KCND3: variants seen among roughly 807,000 people sequenced by gnomAD.
KCND3 encodes the protein A-type voltage-gated potassium channel KCND3.
KCND3 carries 9 observed loss-of-function variants against 51.1 expected under a neutral mutation model. The ratio of observed to expected loss-of-function variants is 0.18; its 90% CI spans 0.11 to 0.31. The LOEUF (loss-of-function observed/expected upper bound fraction) is 0.31, where lower values mean the gene tolerates loss of function less well. Among genes scored for constraint, KCND3 ranks in the 10% least tolerant of loss-of-function variants. The pLI, the probability that KCND3 is intolerant of heterozygous loss-of-function variation, is 1.00. For synonymous variants in KCND3, 349 were observed against 368.0 expected (o/e 0.95, Z 0.59); for missense variants, 526 against 903.8 (o/e 0.58, Z 5.36).
chr1:111,813,034 T>G (rs915858951), intron 2 of KCND3, among the ~76,000 whole-genome samples: 4 of 151,162 alleles, frequency 2.6e-5, no homozygotes, highest in African/African-American at 9.7e-5. Flanking sequence ...CCCACGAGAG[T>G]GAGGTAACCA....
Position 111,775,817 on chromosome 1 carries a change from C to CT in KCND3, c.*259_*260insA. On this transcript the variant is annotated 3_prime_UTR_variant, in exon 8 of 8. Transcript: ENST00000302127. ...TAGCCTATATCCCCCGGCCTATCCC[C>CT]GACCCCCCCACCCTCCCTCCCTTCC... 1.1e-5 allele frequency: 2 copies of CT among 188,526 alleles called. No homozygotes were observed. The highest frequency in any genetic ancestry group is 8.9e-5 in the South Asian group (1 of 11,288). The allele number at this position is 188,526 out of a possible 1,614,324, so 11.7% of individuals were successfully genotyped here. A position where few individuals can be genotyped will look rare whatever the true frequency, so the allele number is the denominator to read the frequency against.
At chr1:111,984,303 ACT>A (rs1157123775) in intron 1 of KCND3, among the ~76,000 whole-genome samples, 4 of 152,102 alleles carry the variant, frequency 2.6e-5, no homozygotes, top group Admixed American at 2.6e-4. Context: ...CTGCCACTGG[ACT>A]TTTCTGCTCA....
In KCND3 at chr1:111,773,465, G is replaced by C. The variant is rs1663998707; in HGVS notation, c.*2612C>G. 8.1e-6 allele frequency: 1 copy of C among 123,370 alleles called. No homozygotes were observed. The highest frequency in any genetic ancestry group is 1.6e-5 in the Non-Finnish European group (1 of 64,068). The allele number at this position is 123,370 out of a possible 1,614,324, so 7.6% of individuals were successfully genotyped here. ...GAGACGGAGTCTTGCTGTGTCACCT[G>C]GGCTGGAGTGCAGTGGTGCAATCAC... On this transcript the variant is annotated 3_prime_UTR_variant, in exon 8 of 8. Transcript: ENST00000302127.
intron 2 of KCND3, among the ~76,000 whole-genome samples, chr1:111,947,401 C>A (rs4839192): frequency 3.3e-5 from 5 of 152,260 alleles, no homozygotes; most frequent in African/African-American, 7.2e-5. Context: ...AGAACATTTC[C>A]ACAGCACTTT....
At chr1:111,966,458 G>A (rs569085043) in intron 2 of KCND3, among the ~76,000 whole-genome samples, 103 of 152,226 alleles carry the variant, frequency 6.8e-4, no homozygotes, top group Non-Finnish European at 1.1e-3. Flanking sequence ...ACAGAAGAAG[G>A]GGTGAGAGCT....
chr1:111,860,336 G>A (rs1668277843), intron 2 of KCND3, among the ~76,000 whole-genome samples: 1 of 152,204 alleles, frequency 6.6e-6, no homozygotes, highest in African/African-American at 2.4e-5. Flanking sequence ...CGCAGAAGCT[G>A]GGATCTGTCC....
chr1:111,982,760 GA>G lies in KCND3; in HGVS notation c.-35del. On this transcript the variant is annotated 5_prime_UTR_variant, in exon 2 of 8. Transcript: ENST00000302127. This position sits in a 1 kb window ranked among gnomAD's most constrained non-coding sequence, Gnocchi z 8.5. ...CAGCTCTTGGGCCGGCAGCCGCGCG[GA>G]CGCTAGGCACACCAGCTTGGAGTTA... 6.3e-7 allele frequency: 1 copy of G among 1,581,674 alleles called. No individual in the cohort carries two copies.
At chr1:111,882,171 G>A (rs1186502296) in intron 2 of KCND3, among the ~76,000 whole-genome samples, 1 of 152,116 alleles carries the variant, frequency 6.6e-6, no homozygotes, top group Admixed American at 6.5e-5. Context: ...TGTTTAATGA[G>A]GTGTTTTCCC....
In KCND3 at chr1:111,982,754, C is replaced by CT. The variant is rs1557769404; in HGVS notation, c.-29_-28insA. On this transcript the variant is annotated 5_prime_UTR_variant, in exon 2 of 8. Coordinates refer to ENST00000302127, the MANE Select transcript of KCND3 (RefSeq NM_001378969.1). This position sits in a 1 kb window ranked among gnomAD's most constrained non-coding sequence, Gnocchi z 8.5. The stretch of plus-strand genomic sequence containing the variant: ...TGACTCCAGCTCTTGGGCCGGCAGC[C>CT]GCGCGGACGCTAGGCACACCAGCTT... 6.3e-7 allele frequency: 1 copy of CT among 1,587,040 alleles called. No homozygotes were observed. The highest frequency in any genetic ancestry group is 1.1e-5 in the South Asian group (1 of 89,496).
At chr1:111,940,073 G>GTCTTTTTTTTTT (rs1672425960) in intron 2 of KCND3, among the ~76,000 whole-genome samples, 1 of 85,474 alleles carries the variant, frequency 1.2e-5, no homozygotes. Context: ...CTTTTTGATG[G>GTCTTTTTTTTTT]TTTTTTTTTT....
At chr1:111,889,087 T>C (rs926039346) in intron 2 of KCND3, among the ~76,000 whole-genome samples, 1 of 152,152 alleles carries the variant, frequency 6.6e-6, no homozygotes, top group African/African-American at 2.4e-5. Flanking sequence ...ATGAGTTCGT[T>C]TGGGTAAATG....
intron 2 of KCND3, among the ~76,000 whole-genome samples, chr1:111,805,853 CAG>C (rs1469772711): frequency 6.6e-6 from 1 of 152,224 alleles, no homozygotes; most frequent in East Asian, 1.9e-4. Context: ...AGAATGAAAA[CAG>C]AGGCTCAGAG....
chr1:111,838,925 C>T (rs1002560671), intron 2 of KCND3, among the ~76,000 whole-genome samples: 1 of 152,006 alleles, frequency 6.6e-6, no homozygotes, highest in Non-Finnish European at 1.5e-5. Flanking sequence ...ACGCTATATG[C>T]CAATTCTATT....
chr1:111,860,673 G>A (rs652334), intron 2 of KCND3, among the ~76,000 whole-genome samples: 18,594 of 152,192 alleles, frequency 0.12, 1,521 homozygotes, highest in East Asian at 0.4. Context: ...TTCCCAGGAT[G>A]AGCCTGCGAT....
intron 2 of KCND3, chr1:111,856,697 C>G (rs576590779): frequency 2.0e-5 from 3 of 152,458 alleles, no homozygotes; most frequent in Admixed American, 2.0e-4. Flanking sequence ...TCTGGCAGAG[C>G]TTACTTATGA....
chr1:111,790,775 C>T (rs1369570913), intron 2 of KCND3, among the ~76,000 whole-genome samples: 3 of 152,184 alleles, frequency 2.0e-5, no homozygotes, highest in Non-Finnish European at 4.4e-5. Flanking sequence ...ATCTACTTTC[C>T]GTCTCTATAG....
Position 111,808,498 on chromosome 1 carries a change from G to A in KCND3, c.1107-21392C>T, listed in dbSNP as rs77668499. Reference sequence around the variant, plus strand: ...CAAGGGCTTGCTTATGAGAGGTATTGCTCCGAGGAAAAGGAGTTAGTTGAA... The same window carrying A: ...CAAGGGCTTGCTTATGAGAGGTATTACTCCGAGGAAAAGGAGTTAGTTGAA... On this transcript the variant is annotated intron_variant, in intron 2 of 7. Coordinates refer to ENST00000302127, the MANE Select transcript of KCND3 (RefSeq NM_001378969.1). Among the ~76,000 whole-genome samples the A allele has an allele frequency of 9.4e-3, 1,435 of 152,330 alleles. 19 individuals carry two copies. The highest frequency in any genetic ancestry group is 0.031 in the African/African-American group (1,290 of 41,570).
chr1:111,812,795 C>T (rs948193671), intron 2 of KCND3, among the ~76,000 whole-genome samples: 23 of 152,188 alleles, frequency 1.5e-4, no homozygotes, highest in Admixed American at 5.2e-4. Context: ...CACAGGGAGC[C>T]GGGCACAGGC....
intron 1 of KCND3, among the ~76,000 whole-genome samples, chr1:111,986,145 C>A (rs986931271): frequency 6.6e-6 from 1 of 152,220 alleles, no homozygotes; most frequent in Non-Finnish European, 1.5e-5. Flanking sequence ...GTTTGAGAAG[C>A]AAGCTCACAA....
Sources: gnomAD v4.1 joint callset for allele counts (sites outside exome capture counted in the v4.1 genomes callset) on GRCh38, gnomAD v4.1.1 for gene constraint, Gnocchi (gnomAD v3.1) non-coding constraint, MANE v1.5 for transcripts, NCBI Gene and HGNC (gene_info 2026-07-23, HGNC 2026-07-21) for gene names.